Variants in EIF2B5 observed in about 807,000 individuals in gnomAD.
The protein encoded by EIF2B5 is translation initiation factor eIF2B subunit epsilon.
In EIF2B5, 38 loss-of-function variants were observed where a neutral mutation model predicts 87.3. The ratio of observed to expected loss-of-function variants is 0.44; its 90% confidence interval spans 0.34 to 0.57. The LOEUF (loss-of-function observed/expected upper bound fraction) is 0.57, where lower values mean the gene tolerates loss of function less well. Ranked by LOEUF, EIF2B5 falls within the 20% of genes least tolerant of loss-of-function variation. The probability of loss-of-function intolerance (pLI) is 0.02; values close to 1 mark genes in which losing one functional copy is unlikely to be tolerated. For missense variants in EIF2B5, 784 were observed against 909.5 expected, an observed-to-expected ratio of 0.86 and a Z score of 1.78; for synonymous variants, 313 against 339.6, an observed-to-expected ratio of 0.92 and a Z score of 0.86.
Position 184,140,445 on chromosome 3 carries a change from G to C in EIF2B5, c.871G>C (p.Val291Leu), listed in dbSNP as rs781216603. The C allele has an allele frequency of 1.9e-6, 3 of 1,614,018 alleles. No individual in the cohort carries two copies. In the South Asian group the frequency reaches 3.3e-5, roughly 18 times the overall value. ...CCTAGGGAACCAGATCCACATGCAC[G>C]TAACAGCTAAGGAATATGGTGCCCG... ...EILGNQIHMH[V>L]TAKEYGARVS... Residue 291 changes from valine (V) to leucine (L), a missense_variant, in exon 7 of 16, where the codon GTA becomes CTA. Around this residue, in one of 3 missense-constraint regions of EIF2B5, gnomAD observed 660 missense variants for 789.5 expected, o/e 0.84. Coordinates refer to ENST00000648915, the MANE Select transcript of EIF2B5 (RefSeq NM_003907.3).
rs765352143 is a variant in EIF2B5 at position 184,142,857 on chromosome 3, G to A, written c.1625G>A (p.Gly542Glu). The change falls in exon 11 of 16, where the codon GGA (glycine) becomes GAA (glutamate). Residue 542 changes from glycine (G) to glutamate (E), a missense_variant. This residue lies in a region of EIF2B5 where 660 missense variants were observed against 789.5 expected (regional missense o/e 0.84). Coordinates refer to ENST00000648915, the MANE Select transcript of EIF2B5 (RefSeq NM_003907.3). This position sits in a 1 kb window ranked among gnomAD's most constrained non-coding sequence, Gnocchi z 5.0. Reference protein sequence around the residue: ...SMDSEEPDSRGGSPQMDDIKV... With the variant: ...SMDSEEPDSREGSPQMDDIKV... ...GATTCTGAGGAGCCGGACAGCCGGG[G>A]AGGCTCCCCTCAGATGGATGACATC... 6.2e-7 allele frequency: 1 copy of A among 1,614,040 alleles called. No individual in the cohort carries two copies. Among genetic ancestry groups the A allele is most frequent in the Non-Finnish European group, 8.5e-7 (1 of 1,179,994 alleles).
rs373147037 is a variant in EIF2B5 at position 184,137,905 on chromosome 3, C to T, written c.514C>T (p.Arg172Trp). The T allele has an allele frequency of 6.8e-5, 109 of 1,614,014 alleles. No individual in the cohort carries two copies. Among genetic ancestry groups the T allele is most frequent in the Admixed American group, 8.3e-5 (5 of 59,990 alleles). ...CCCTCCTGTCCTTTATAGGTTGAGA[C>T]GGAAGCTAGAAAAAAATGTTTCTGT... is the stretch of plus-strand genomic sequence containing the variant. ...TRALEEHRLR[R>W]KLEKNVSVMT... is the part of the protein sequence containing the mutation. Residue 172 changes from arginine to tryptophan, a missense_variant, in exon 4 of 16, where the codon CGG becomes TGG. Arg to Trp is a moderately radical substitution (Grantham distance 101). This residue lies in a region of EIF2B5 where 660 missense variants were observed against 789.5 expected (regional missense o/e 0.84). Transcript: ENST00000648915.
At position 184,138,162 on chromosome 3, in the gene EIF2B5, A is replaced by G. The variant is rs2109007303; in HGVS notation, c.685-4A>G. 1 of 1,614,128 alleles carries G rather than the reference A, an allele frequency of 6.2e-7. No individual in the cohort carries two copies. Among genetic ancestry groups the G allele is most frequent in the South Asian group, 1.1e-5 (1 of 91,074 alleles). On this transcript the variant is annotated splice_region_variant and splice_polypyrimidine_tract_variant and intron_variant, in intron 4 of 15. Coordinates refer to ENST00000648915, the MANE Select transcript of EIF2B5 (RefSeq NM_003907.3). ...ATTAAAGTCCTTGTAACTTCTCCCC[A>G]CAGAGCCTGTTTCAGGGCAGTAGTG...
At chr3:184,143,394 T>C (rs1033117985) in intron 12 of EIF2B5, 48 bp from the exon 13 acceptor site, 1 of 1,613,890 alleles carries the variant, frequency 6.2e-7, no homozygotes, top group African/African-American at 1.3e-5. Context: ...GTTCTAAGCC[T>C]GCTGAAAGGC....
intron 2 of EIF2B5, 162 bp from the exon 3 acceptor site, chr3:184,137,458 T>G: frequency 1.4e-6 from 1 of 697,900 alleles, no homozygotes; most frequent in African/African-American, 1.8e-5. Flanking sequence ...GCTGAAAGCA[T>G]TCATTATAGT....
rs1713814705 is a variant in EIF2B5, at chr3:184,145,173, G to C, written c.*230G>C. On this transcript the variant is annotated 3_prime_UTR_variant, in exon 16 of 16. Transcript: ENST00000648915. This position sits in a 1 kb window ranked among gnomAD's most constrained non-coding sequence, Gnocchi z 4.0. ...GGCTGGAACAAAGCTTCTGCCTAGG[G>C]AGGAGCTAAGCAGGCCCGGCAGTTG... 1 of 602,268 alleles carries C rather than the reference G, an allele frequency of 1.7e-6. No individual in the cohort carries two copies. The highest frequency in any genetic ancestry group is 3.0e-6 in the Non-Finnish European group (1 of 334,772). 37.3% of individuals were successfully genotyped at this position (602,268 alleles called of 1,614,324 possible). A position where few individuals can be genotyped will look rare whatever the true frequency, so the allele number is the denominator to read the frequency against.
At position 184,137,600 on chromosome 3, in the gene EIF2B5, C is replaced by T. The variant is rs1399100877; in HGVS notation, c.321-20C>T. ...CTTTATGCTTGATACACTCATTCCC[C>T]TCACCCTCCCTTCCTTTAGGAAGTC... On this transcript the variant is annotated intron_variant, in intron 2 of 15. Coordinates refer to ENST00000648915, the MANE Select transcript of EIF2B5 (RefSeq NM_003907.3). The T allele has an allele frequency of 1.9e-6, 3 of 1,612,556 alleles. No homozygotes were observed. The African/African-American group carries it at 4.0e-5, about 22-fold the overall frequency.
At position 184,142,955 on chromosome 3, in the gene EIF2B5, C is replaced by T. The variant is rs761958687; in HGVS notation, c.1654+69C>T. 21 of 1,568,114 alleles carry T rather than the reference C, an allele frequency of 1.3e-5. No homozygotes were observed. The highest frequency in any genetic ancestry group is 1.8e-5 in the Admixed American group (1 of 55,804). On this transcript the variant is annotated intron_variant, in intron 11 of 15. Coordinates refer to ENST00000648915, the MANE Select transcript of EIF2B5 (RefSeq NM_003907.3). The surrounding 1 kb of genome is among the most constrained non-coding windows in gnomAD (Gnocchi z 5.0). ...CCTGGATCAACTAGCCAGAGGCTTACGTTCCTCAGAAAGGGTTTGGTATCG... is the reference window on the plus strand; with the variant it reads ...CCTGGATCAACTAGCCAGAGGCTTATGTTCCTCAGAAAGGGTTTGGTATCG...
rs1410173967 is a variant in EIF2B5, at chr3:184,143,152, GC to G, written c.1745+14del. 6.2e-7 allele frequency: 1 copy of G among 1,611,836 alleles called. No homozygotes were observed. The highest frequency in any genetic ancestry group is 8.5e-7 in the Non-Finnish European group (1 of 1,179,004). On this transcript the variant is annotated intron_variant, in intron 12 of 15. Transcript: ENST00000648915. ...AAATCAACTCTCTCAAGTAAGAGCA[GC>G]CCCTCCCTGTTCTCCTCGGGGTGAT...
At position 184,142,498 on chromosome 3, in the gene EIF2B5, C is replaced by G. The variant is rs1396305701; in HGVS notation, c.1445-4C>G. ...CCCTCTCTATAGATCATTGCCTTTT[C>G]CAGGTTACAATCCAGCAGAAGTAGG... On this transcript the variant is annotated splice_polypyrimidine_tract_variant and splice_region_variant and intron_variant, in intron 9 of 15. Coordinates refer to ENST00000648915, the MANE Select transcript of EIF2B5 (RefSeq NM_003907.3). The surrounding 1 kb of genome is among the most constrained non-coding windows in gnomAD (Gnocchi z 5.0). 2 of 1,613,976 alleles carry G rather than the reference C, an allele frequency of 1.2e-6. No homozygotes were observed. The highest frequency in any genetic ancestry group is 3.3e-5 in the Admixed American group (2 of 59,998).
At position 184,142,190 on chromosome 3, in the gene EIF2B5, C is replaced by T; in HGVS notation, c.1303-47C>T. ...AAAAGTTGCTCTCATTATCAGGATG[C>T]ACTTTTCCTCCACACCCTAATGGTT... On this transcript the variant is annotated intron_variant, in intron 8 of 15. Coordinates refer to ENST00000648915, the MANE Select transcript of EIF2B5 (RefSeq NM_003907.3). This position sits in a 1 kb window ranked among gnomAD's most constrained non-coding sequence, Gnocchi z 5.0. 2 of 1,614,094 alleles carry T rather than the reference C, an allele frequency of 1.2e-6. No homozygotes were observed.
intron 13 of EIF2B5, chr3:184,143,853 G>A: frequency 1.5e-6 from 1 of 686,398 alleles, no homozygotes; most frequent in South Asian, 1.8e-5. Context: ...CCCAACACAA[G>A]ATCAGCCTCT....
chr3:184,138,673 A>G (rs1032980167), intron 5 of EIF2B5, among the ~76,000 whole-genome samples: 3 of 138,350 alleles, frequency 2.2e-5, no homozygotes, highest in Non-Finnish European at 4.7e-5. Context: ...ATTTTTATTT[A>G]TATATATTTT....
rs1314545987 is a variant in EIF2B5, at chr3:184,142,178, A to G, written c.1303-59A>G. 8 of 1,614,008 alleles carry G rather than the reference A, an allele frequency of 5.0e-6. No homozygotes were observed. The highest frequency in any genetic ancestry group is 5.9e-6 in the Non-Finnish European group (7 of 1,179,986). ...AATCCTGTCTAAAAAAGTTGCTCTC[A>G]TTATCAGGATGCACTTTTCCTCCAC... On this transcript the variant is annotated intron_variant, in intron 8 of 15. Coordinates refer to ENST00000648915, the MANE Select transcript of EIF2B5 (RefSeq NM_003907.3). This position sits in a 1 kb window ranked among gnomAD's most constrained non-coding sequence, Gnocchi z 5.0.
chr3:184,143,154 C>A lies in EIF2B5; in HGVS notation c.1745+12C>A. On this transcript the variant is annotated intron_variant, in intron 12 of 15. Coordinates refer to ENST00000648915, the MANE Select transcript of EIF2B5 (RefSeq NM_003907.3). ...ATCAACTCTCTCAAGTAAGAGCAGC[C>A]CCTCCCTGTTCTCCTCGGGGTGATC... 1 of 1,611,662 alleles carries A rather than the reference C, an allele frequency of 6.2e-7. No individual in the cohort carries two copies. Among genetic ancestry groups the A allele is most frequent in the African/African-American group, 1.3e-5 (1 of 75,014 alleles).
rs74478773 is a variant in EIF2B5 at position 184,142,362 on chromosome 3, C to T, written c.1428C>T (p.Asp476=). 6 of 1,613,978 alleles carry T rather than the reference C, an allele frequency of 3.7e-6. No individual in the cohort carries two copies. The African/African-American group carries it at 6.7e-5, about 18-fold the overall frequency. The change falls in exon 9 of 16, where the codon GAC becomes GAT. Residue 476 remains aspartate (D), a synonymous_variant. Coordinates refer to ENST00000648915, the MANE Select transcript of EIF2B5 (RefSeq NM_003907.3). The surrounding 1 kb of genome is among the most constrained non-coding windows in gnomAD (Gnocchi z 5.0). The part of the protein sequence containing the change: ...SDDSGADQEK[D]KVKMKGYNPA... ...ATTCTGGGGCTGACCAAGAAAAGGA[C>T]AAAGTGAAGATGAAAGGTGTGAGAC...
At position 184,137,770 on chromosome 3, in the gene EIF2B5, A is replaced by C. The variant is rs1256637078; in HGVS notation, c.471A>C (p.Ser157=). The C allele has an allele frequency of 6.2e-7, 1 of 1,614,228 alleles. No homozygotes were observed. Among genetic ancestry groups the C allele is most frequent in the Non-Finnish European group, 8.5e-7 (1 of 1,180,052 alleles). The change falls in exon 3 of 16, where the codon TCA becomes TCC. Residue 157 remains serine (S), a synonymous_variant. Coordinates refer to ENST00000648915, the MANE Select transcript of EIF2B5 (RefSeq NM_003907.3). Reference sequence around the variant, plus strand: ...TTCTGGTGTATGGGGATGTCATCTCAAACATCAATATCACCAGAGCCCTTG... The same window carrying C: ...TTCTGGTGTATGGGGATGTCATCTCCAACATCAATATCACCAGAGCCCTTG... The part of the protein sequence containing the change: ...DFLLVYGDVI[S]NINITRALEE...
chr3:184,140,170 T>C lies in EIF2B5; in HGVS notation c.843+13T>C. ...AGTGAATGAGGAGGTGAGAAAAGTC[T>C]TCCAATGCCTCTTTAGGAGAGAGGA... On this transcript the variant is annotated intron_variant, in intron 6 of 15. Coordinates refer to ENST00000648915, the MANE Select transcript of EIF2B5 (RefSeq NM_003907.3). 1 of 1,608,708 alleles carries C rather than the reference T, an allele frequency of 6.2e-7. No individual in the cohort carries two copies. Among genetic ancestry groups the C allele is most frequent in the South Asian group, 1.1e-5 (1 of 90,934 alleles).
chr3:184,141,770 T>C (rs572810246), intron 7 of EIF2B5, among the ~76,000 whole-genome samples, 155 bp from the exon 8 acceptor site: 209 of 152,148 alleles, frequency 1.4e-3, no homozygotes, highest in African/African-American at 4.8e-3. Context: ...AGGCCTGGGC[T>C]TAGGGGGTGA....
Sources: allele counts gnomAD v4.1 joint callset (sites outside exome capture counted in the v4.1 genomes callset), GRCh38; gene constraint gnomAD v4.1.1; regional missense constraint gnomAD v4.1.1; non-coding constraint Gnocchi (gnomAD v3.1); transcripts MANE v1.5; gene names NCBI Gene and HGNC (gene_info 2026-07-23, HGNC 2026-07-21).